FLRT2: variants seen among roughly 807,000 people sequenced by gnomAD.
FLRT2 encodes leucine-rich repeat transmembrane protein FLRT2.
In FLRT2, 15 loss-of-function variants were observed where a neutral mutation model predicts 40.0. That is an observed-to-expected ratio of 0.38 (90% CI 0.25 to 0.58). FLRT2 has a LOEUF of 0.58. Among genes scored for constraint, FLRT2 ranks in the 20% least tolerant of loss-of-function variants. The pLI, the probability that FLRT2 is intolerant of heterozygous loss-of-function variation, is 0.71. For synonymous variants in FLRT2, 380 were observed against 336.8 expected (o/e 1.13, Z -1.41); for missense variants, 726 against 840.0 (o/e 0.86, Z 1.68).
intron 1 of FLRT2, among the ~76,000 whole-genome samples, chr14:85,574,008 A>G (rs1275230533): frequency 6.6e-6 from 1 of 152,194 alleles, no homozygotes; most frequent in Non-Finnish European, 1.5e-5. Context: ...TTGTAAACAT[A>G]GTGGTGCTTG....
chr14:85,580,325 T>G (rs1891327380), intron 1 of FLRT2, among the ~76,000 whole-genome samples: 1 of 152,112 alleles, frequency 6.6e-6, no homozygotes, highest in African/African-American at 2.4e-5. Flanking sequence ...TTTTCAGAAG[T>G]AATTTTGTTT....
chr14:85,571,699 T>A (rs1890898956), intron 1 of FLRT2, among the ~76,000 whole-genome samples: 2 of 152,178 alleles, frequency 1.3e-5, no homozygotes, highest in South Asian at 4.1e-4. Context: ...TGATTTCCTG[T>A]GTATTTGATA....
rs9323770 is a variant in FLRT2, at chr14:85,610,666, G to T, written c.-376-10473G>T. Among the ~76,000 whole-genome samples, 10 of 151,966 alleles carry T rather than the reference G, an allele frequency of 6.6e-5. No individual in the cohort carries two copies. The South Asian group carries it at 2.1e-3, about 32-fold the overall frequency. On this transcript the variant is annotated intron_variant, in intron 1 of 1. Transcript: ENST00000330753. ...TTGTGCCTGCTCTTGCCTAGACCTGGACTTACTTATTGGCCTCTCTTCTCC... is the reference window on the plus strand; with the variant it reads ...TTGTGCCTGCTCTTGCCTAGACCTGTACTTACTTATTGGCCTCTCTTCTCC...
intron 1 of FLRT2, among the ~76,000 whole-genome samples, chr14:85,545,734 A>G (rs1889243279): frequency 6.6e-6 from 1 of 152,226 alleles, no homozygotes. Context: ...AGTACTAAGG[A>G]AAGCTTGTGG....
At chr14:85,543,515 GA>G (rs1889098407) in intron 1 of FLRT2, among the ~76,000 whole-genome samples, 1 of 143,674 alleles carries the variant, frequency 7.0e-6, no homozygotes, top group South Asian at 2.2e-4. Context: ...GGTGTCCCCA[GA>G]ATTAATTTTC....
In FLRT2 at chr14:85,626,692, CCCTG is replaced by C. The variant is rs1225745288; in HGVS notation, c.*3199_*3202del. ...CGCAGGCAGATACGAGGAATGTATC[CCCTG>C]CCTATTTTCCTTGTGTAACAAATGG... On this transcript the variant is annotated 3_prime_UTR_variant, in exon 2 of 2. Coordinates refer to ENST00000330753, the MANE Select transcript of FLRT2 (RefSeq NM_013231.6). 2 of 167,052 alleles carry C rather than the reference CCCTG, an allele frequency of 1.2e-5. No individual in the cohort carries two copies. Among genetic ancestry groups the C allele is most frequent in the African/African-American group, 4.8e-5 (2 of 41,440 alleles). 10.3% of individuals were successfully genotyped at this position (167,052 alleles called of 1,614,324 possible). A position where few individuals can be genotyped will look rare whatever the true frequency, so the allele number is the denominator to read the frequency against.
chr14:85,548,772 C>A (rs1466713224), intron 1 of FLRT2, among the ~76,000 whole-genome samples: 1 of 152,166 alleles, frequency 6.6e-6, no homozygotes, highest in South Asian at 2.1e-4. Flanking sequence ...GAGAGCCACA[C>A]CCTCAAGCCT....
chr14:85,616,507 T>C (rs992513443), intron 1 of FLRT2, among the ~76,000 whole-genome samples: 4 of 152,186 alleles, frequency 2.6e-5, no homozygotes, highest in Non-Finnish European at 5.9e-5. Flanking sequence ...GAAAGTATTG[T>C]GCAGTTAACA....
intron 1 of FLRT2, among the ~76,000 whole-genome samples, chr14:85,572,285 G>T (rs537170865): frequency 6.6e-6 from 1 of 152,012 alleles, no homozygotes; most frequent in African/African-American, 2.4e-5. Flanking sequence ...TTTAACTCAC[G>T]GTGGTTCCCT....
At chr14:85,593,480 T>C (rs1891995174) in intron 1 of FLRT2, among the ~76,000 whole-genome samples, 1 of 152,068 alleles carries the variant, frequency 6.6e-6, no homozygotes, top group South Asian at 2.1e-4. Context: ...ACTCTGTTGA[T>C]TGAAAATGTG....
chr14:85,621,356 C>A lies in FLRT2; in HGVS notation c.-159C>A. 1.5e-6 allele frequency: 1 copy of A among 664,842 alleles called. No homozygotes were observed. The highest frequency in any genetic ancestry group is 2.5e-6 in the Non-Finnish European group (1 of 399,608). The allele number at this position is 664,842 out of a possible 1,614,324, so 41.2% of individuals were successfully genotyped here. ...CAACACAGGCTGATAAGACCAGAGA[C>A]AGCAGGGAGATTATTTTACCATACG... On this transcript the variant is annotated 5_prime_UTR_variant, in exon 2 of 2. Transcript: ENST00000330753.
intron 1 of FLRT2, among the ~76,000 whole-genome samples, chr14:85,583,529 T>G (rs945967246): frequency 6.6e-6 from 1 of 152,174 alleles, no homozygotes; most frequent in Non-Finnish European, 1.5e-5. Flanking sequence ...CAACAGTTAC[T>G]TGAGCCCCAA....
At chr14:85,532,371 A>G (rs958866710) in intron 1 of FLRT2, among the ~76,000 whole-genome samples, 7 of 152,258 alleles carry the variant, frequency 4.6e-5, no homozygotes, top group African/African-American at 1.7e-4. Context: ...CAGGAAGAGC[A>G]GCACGAAATA....
At chr14:85,561,058 A>G (rs1460875665) in intron 1 of FLRT2, 1 of 152,076 alleles carries the variant, frequency 6.6e-6, no homozygotes, top group Non-Finnish European at 1.5e-5. Context: ...GTAGAGCACT[A>G]CATTTTTTCC....
At chr14:85,531,227 G>C (rs1888252911) in intron 1 of FLRT2, 1 of 152,376 alleles carries the variant, frequency 6.6e-6, no homozygotes, top group East Asian at 1.9e-4. Context: ...GATCGAGTGA[G>C]TTCCTTGAGC....
chr14:85,610,635 G>A (rs1177037993), intron 1 of FLRT2, among the ~76,000 whole-genome samples: 2 of 152,064 alleles, frequency 1.3e-5, no homozygotes, highest in African/African-American at 4.8e-5. Context: ...TCCCTTCCTT[G>A]TATCCTTGTG....
chr14:85,548,341 A>C (rs764222091), intron 1 of FLRT2, among the ~76,000 whole-genome samples: 1 of 152,212 alleles, frequency 6.6e-6, no homozygotes, highest in Non-Finnish European at 1.5e-5. Context: ...TGTTCTCTCC[A>C]TGGAATCTTT....
chr14:85,555,693 TTTA>T (rs1264086501), intron 1 of FLRT2, among the ~76,000 whole-genome samples: 21 of 75,844 alleles, frequency 2.8e-4, no homozygotes, highest in Non-Finnish European at 4.1e-4. Flanking sequence ...TGAAATCTAT[TTTA>T]TTTTATTTTA....
At chr14:85,592,802 A>G (rs201139830) in intron 1 of FLRT2, among the ~76,000 whole-genome samples, 8 of 99,976 alleles carry the variant, frequency 8.0e-5, no homozygotes, top group East Asian at 5.7e-4. Flanking sequence ...AAAAAAAAAA[A>G]AAAAAGAAAA....
Sources: gnomAD v4.1 joint callset for allele counts (sites outside exome capture counted in the v4.1 genomes callset) on GRCh38, gnomAD v4.1.1 for gene constraint, MANE v1.5 for transcripts, NCBI Gene and HGNC (gene_info 2026-07-23, HGNC 2026-07-21) for gene names.